Variants in DMD observed in about 807,000 individuals in gnomAD.
DMD encodes the protein mutant dystrophin.
A neutral mutation model predicts 330.1 loss-of-function variants in DMD; 63 were observed. The observed-to-expected ratio is 0.19, with a 90% confidence interval of 0.16 to 0.24. The LOEUF (loss-of-function observed/expected upper bound fraction) is 0.24. Ranked by LOEUF, DMD falls within the 10% of genes least tolerant of loss-of-function variation. The probability of loss-of-function intolerance (pLI) is 1.00; values close to 1 mark genes in which losing one functional copy is unlikely to be tolerated. For missense variants in DMD, 3,344 were observed against 2,684.1 expected, an observed-to-expected ratio of 1.25 and a Z score of -5.43; for synonymous variants, 1,223 against 959.8, an observed-to-expected ratio of 1.27 and a Z score of -5.07.
chrX:31,728,587 T>C (rs780482814), intron 52 of DMD, among the ~76,000 whole-genome samples: 85 of 112,125 alleles, frequency 7.6e-4, no homozygotes, highest in African/African-American at 2.7e-3. Context: ...TTCCCCAACA[T>C]ATTGACAACT....
chrX:31,948,306 T>C (rs1191308538), intron 45 of DMD, among the ~76,000 whole-genome samples: 4 of 112,365 alleles, frequency 3.6e-5, no homozygotes, highest in Admixed American at 2.8e-4. Context: ...TCTTGGCTAC[T>C]GTGAATAATG....
intron 44 of DMD, among the ~76,000 whole-genome samples, chrX:32,059,963 C>T (rs1387391599): frequency 9.0e-6 from 1 of 111,181 alleles, no homozygotes; most frequent in Non-Finnish European, 1.9e-5. Context: ...ATGCATACTC[C>T]ATCCATAGGG....
Position 32,712,329 on chromosome X carries a change from C to T in DMD, c.650-13036G>A, listed in dbSNP as rs894392465. Among the ~76,000 whole-genome samples the T allele has an allele frequency of 5.4e-5, 6 of 111,342 alleles. 1 individual carries two copies. The highest frequency in any genetic ancestry group is 2.0e-4 in the African/African-American group (6 of 30,700). ...GTCCATAGCATGAAAAATACTGGAG[C>T]TACTGTGTACAACGCTGCAATGAAC... On this transcript the variant is annotated intron_variant, in intron 7 of 78. Coordinates refer to ENST00000357033, the MANE Select transcript of DMD (RefSeq NM_004006.3).
At chrX:32,120,625 T>C (rs1037576935) in intron 44 of DMD, among the ~76,000 whole-genome samples, 3 of 111,820 alleles carry the variant, frequency 2.7e-5, no homozygotes, top group Non-Finnish European at 5.6e-5. Context: ...GGAAAAAATG[T>C]TTAATGAATT....
At chrX:32,292,722 G>A (rs894659354) in intron 42 of DMD, among the ~76,000 whole-genome samples, 3 of 111,990 alleles carry the variant, frequency 2.7e-5, no homozygotes, top group African/African-American at 9.7e-5. Context: ...ATCAGAGAGG[G>A]AAACAGGAAA....
chrX:33,007,567 AAAAC>A (rs1398875874), intron 2 of DMD, among the ~76,000 whole-genome samples: 7 of 111,597 alleles, frequency 6.3e-5, no homozygotes, highest in Admixed American at 1.9e-4. Flanking sequence ...GCAGAGAGAA[AAAAC>A]AAACAAGTTG....
At chrX:32,731,302 G>A (rs1298260344) in intron 7 of DMD, among the ~76,000 whole-genome samples, 1 of 112,295 alleles carries the variant, frequency 8.9e-6, no homozygotes, top group Non-Finnish European at 1.9e-5. Flanking sequence ...AGCAGTCTGA[G>A]ATCAAACTGC....
At position 33,231,564 on chromosome X, in the gene DMD, A is replaced by T. The variant is rs538273629; in HGVS notation, c.7+107695T>A. 2.9e-4 allele frequency among the ~76,000 whole-genome samples: 32 copies of T among 111,824 alleles called. No homozygotes were observed. The South Asian group carries it at 0.011, about 39-fold the overall frequency. On this transcript the variant is annotated intron_variant, in intron 1 of 17. Coordinates refer to the DMD transcript ENST00000288447. ...TGGCAAGAAATAGAATTCAACATGG[A>T]TGGTTCAATAAAACAGTACAAAGGA...
intron 2 of DMD, among the ~76,000 whole-genome samples, chrX:33,016,561 G>A (rs1047605433): frequency 3.6e-5 from 4 of 111,105 alleles, no homozygotes; most frequent in Non-Finnish European, 7.5e-5. Flanking sequence ...TCATATCATG[G>A]GCTTTTGTGA....
chrX:31,631,052 T>A (rs774858074), intron 54 of DMD, among the ~76,000 whole-genome samples: 18 of 111,410 alleles, frequency 1.6e-4, no homozygotes, highest in Admixed American at 4.8e-4. Context: ...GTTCTCATAG[T>A]CCATGGACCA....
At chrX:31,964,213 A>G (rs1452030744) in intron 45 of DMD, among the ~76,000 whole-genome samples, 1 of 111,843 alleles carries the variant, frequency 8.9e-6, no homozygotes, top group Non-Finnish European at 1.9e-5. Flanking sequence ...GAAAAAAAAT[A>G]AAACAAATCC....
intron 43 of DMD, among the ~76,000 whole-genome samples, chrX:32,242,646 A>G (rs1446544427): frequency 9.0e-6 from 1 of 111,609 alleles, no homozygotes; most frequent in Non-Finnish European, 1.9e-5. Context: ...AAGAAAAGGT[A>G]AAACATGCAC....
At position 32,553,665 on chromosome X, in the gene DMD, G is replaced by T. The variant is rs767799832; in HGVS notation, c.1993-8331C>A. ...TGTTATGCAGCATATGACTGTAGTTGCAATTACGAACTATTCAGCTATTCT... is the reference window on the plus strand; with the variant it reads ...TGTTATGCAGCATATGACTGTAGTTTCAATTACGAACTATTCAGCTATTCT... On this transcript the variant is annotated intron_variant, in intron 16 of 78. Transcript: ENST00000357033. 6.2e-5 allele frequency among the ~76,000 whole-genome samples: 7 copies of T among 112,087 alleles called. No homozygotes were observed. The East Asian group carries it at 2.0e-3, about 31-fold the overall frequency.
chrX:32,125,579 G>A (rs1039571569), intron 44 of DMD, among the ~76,000 whole-genome samples: 2 of 111,877 alleles, frequency 1.8e-5, no homozygotes, highest in African/African-American at 3.3e-5. Context: ...GTAAATATTA[G>A]AAGCTTTGCA....
At chrX:31,511,082 G>C (rs1472159836) in intron 55 of DMD, among the ~76,000 whole-genome samples, 1 of 110,863 alleles carries the variant, frequency 9.0e-6, no homozygotes, top group Non-Finnish European at 1.9e-5. Flanking sequence ...ACAGGACTCA[G>C]ATAGGTTGCC....
chrX:31,278,043 A>G (rs1018320639), intron 62 of DMD, among the ~76,000 whole-genome samples: 1 of 109,052 alleles, frequency 9.2e-6, no homozygotes, highest in Non-Finnish European at 1.9e-5. Flanking sequence ...ATGAAAGTGT[A>G]CTATTTGGTA....
At chrX:31,182,063 T>A (rs1450782364) in intron 68 of DMD, among the ~76,000 whole-genome samples, 1 of 112,747 alleles carries the variant, frequency 8.9e-6, no homozygotes, top group Non-Finnish European at 1.9e-5. Flanking sequence ...ACTATCAGAA[T>A]AACCTGCTAC....
At chrX:31,193,052 T>C (rs1043775134) in intron 67 of DMD, among the ~76,000 whole-genome samples, 5 of 111,949 alleles carry the variant, frequency 4.5e-5, no homozygotes, top group African/African-American at 6.5e-5. Context: ...CTTTTCAGCA[T>C]TACATGTCCC....
chrX:32,281,913 T>C (rs1450872499), intron 43 of DMD, among the ~76,000 whole-genome samples: 1 of 111,974 alleles, frequency 8.9e-6, no homozygotes, highest in Non-Finnish European at 1.9e-5. Flanking sequence ...CTCAGAACCA[T>C]CTTGAATTTA....
Sources: gnomAD v4.1 joint callset for allele counts (sites outside exome capture counted in the v4.1 genomes callset) on GRCh38, gnomAD v4.1.1 for gene constraint, MANE v1.5 for transcripts, NCBI Gene and HGNC (gene_info 2026-07-23, HGNC 2026-07-21) for gene names.